The following ULK4 variants were observed in gnomAD, a reference collection of about 807,000 sequenced individuals.
ULK4 encodes the protein unc-51 like kinase 4.
A neutral mutation model predicts 160.6 loss-of-function variants in ULK4; 133 were observed. The ratio of observed to expected loss-of-function variants is 0.83; its 90% CI spans 0.72 to 0.96. ULK4 has a LOEUF of 0.96. ULK4 is among the 40% of genes least tolerant of loss of function. The pLI is 0.00. For synonymous variants in ULK4, 534 were observed against 539.8 expected, an observed-to-expected ratio of 0.99 and a Z score of 0.15; for missense variants, 1,580 against 1,499.5, an observed-to-expected ratio of 1.05 and a Z score of -0.89.
chr3:41,786,213 T>C lies in ULK4; in HGVS notation c.2193+3448A>G, dbSNP rs545568285. 2.6e-5 allele frequency among the ~76,000 whole-genome samples: 4 copies of C among 152,314 alleles called. No homozygotes were observed. In the South Asian group the frequency reaches 8.3e-4, roughly 32 times the overall value. On this transcript the variant is annotated intron_variant, in intron 21 of 36. Transcript: ENST00000301831. ...CCTCCTGTTAGGGCATAAGCACTTA[T>C]ATCTAGCACTTATACACTCCAAGAA...
At chr3:41,770,278 G>T (rs1405149008) in intron 21 of ULK4, among the ~76,000 whole-genome samples, 1 of 152,094 alleles carries the variant, frequency 6.6e-6, no homozygotes, top group Admixed American at 6.6e-5. Context: ...GAGATCTGCA[G>T]CTTCAGGCTT....
At chr3:41,646,834 C>A (rs1371587112) in intron 30 of ULK4, among the ~76,000 whole-genome samples, 2 of 152,214 alleles carry the variant, frequency 1.3e-5, no homozygotes, top group African/African-American at 4.8e-5. Flanking sequence ...GTACACCAAT[C>A]AGATACAGAT....
intron 34 of ULK4, among the ~76,000 whole-genome samples, chr3:41,425,286 T>C (rs2082752937): frequency 1.3e-5 from 2 of 152,094 alleles, no homozygotes; most frequent in Admixed American, 6.5e-5. Context: ...CTCTGAGAAC[T>C]ATGGAATTAC....
intron 34 of ULK4, among the ~76,000 whole-genome samples, chr3:41,449,371 G>A (rs148135795): frequency 4.9e-4 from 75 of 152,278 alleles, no homozygotes; most frequent in South Asian, 2.1e-3. Flanking sequence ...TTTTAACCCT[G>A]TTGAATCTGA....
At chr3:41,490,592 C>T (rs758504500) in intron 32 of ULK4, among the ~76,000 whole-genome samples, 1 of 152,186 alleles carries the variant, frequency 6.6e-6, no homozygotes, top group Non-Finnish European at 1.5e-5. Context: ...TATCCTTTCA[C>T]ATAAAATGTT....
chr3:41,581,138 G>GA (rs200891995), intron 31 of ULK4, among the ~76,000 whole-genome samples: 221 of 150,998 alleles, frequency 1.5e-3, no homozygotes, highest in Non-Finnish European at 2.4e-3. Context: ...CATATAGCAA[G>GA]AAAAAAAAAT....
chr3:41,287,892 G>T (rs17055036), intron 35 of ULK4, among the ~76,000 whole-genome samples: 11,092 of 152,212 alleles, frequency 0.073, 1,040 homozygotes, highest in African/African-American at 0.2. Flanking sequence ...GGTTACACAT[G>T]GGGACATTTG....
chr3:41,829,728 G>A (rs2041503652), intron 18 of ULK4, among the ~76,000 whole-genome samples: 2 of 151,762 alleles, frequency 1.3e-5, no homozygotes, highest in Admixed American at 6.6e-5. Flanking sequence ...CATTGTGGAA[G>A]TCAGTGTGGC....
chr3:41,922,179 GAA>G lies in ULK4; in HGVS notation c.542-2363_542-2362del, dbSNP rs762813111. 6.1e-4 allele frequency among the ~76,000 whole-genome samples: 93 copies of G among 152,144 alleles called. 1 individual carries two copies. Among genetic ancestry groups the G allele is most frequent in the African/African-American group, 1.8e-3 (73 of 41,510 alleles). ...AATAAAATAGTTAAAAATAAAATAA[GAA>G]AGCTGAAAAAATAAAATAAGAAAGG... On this transcript the variant is annotated intron_variant, in intron 5 of 36. Transcript: ENST00000301831.
chr3:41,924,953 T>A (rs969919346), intron 5 of ULK4, among the ~76,000 whole-genome samples: 5 of 152,250 alleles, frequency 3.3e-5, no homozygotes, highest in Admixed American at 3.3e-4. Context: ...CTCAAGTACC[T>A]GAACATGGTA....
intron 18 of ULK4, among the ~76,000 whole-genome samples, chr3:41,822,068 C>A (rs2041163215): frequency 6.6e-6 from 1 of 152,174 alleles, no homozygotes; most frequent in South Asian, 2.1e-4. Context: ...CACATTTAAA[C>A]CAGAATTATC....
chr3:41,933,925 C>A (rs905451015), intron 4 of ULK4, among the ~76,000 whole-genome samples: 8 of 152,016 alleles, frequency 5.3e-5, no homozygotes, highest in Non-Finnish European at 1.0e-4. Context: ...GTAGTCCCAG[C>A]TACTTGGGAG....
chr3:41,391,618 G>A (rs1476019888), intron 35 of ULK4, among the ~76,000 whole-genome samples: 2 of 151,610 alleles, frequency 1.3e-5, no homozygotes, highest in Non-Finnish European at 2.9e-5. Flanking sequence ...CAGAATTCCT[G>A]GTTTCCTCAT....
At chr3:41,529,190 A>C (rs1375218799) in intron 32 of ULK4, among the ~76,000 whole-genome samples, 16 of 152,202 alleles carry the variant, frequency 1.1e-4, no homozygotes, top group Non-Finnish European at 1.5e-5. Context: ...TTGTGTAATT[A>C]AAGTTCAATT....
intron 21 of ULK4, among the ~76,000 whole-genome samples, chr3:41,762,000 C>CT (rs902559006): frequency 4.6e-5 from 7 of 152,128 alleles, no homozygotes; most frequent in Admixed American, 2.6e-4. Flanking sequence ...GGATGGATCA[C>CT]TTGAGCCCAG....
chr3:41,874,994 T>A (rs1464774523), intron 17 of ULK4, among the ~76,000 whole-genome samples: 1 of 152,004 alleles, frequency 6.6e-6, no homozygotes, highest in Non-Finnish European at 1.5e-5. Context: ...GGAAATAATA[T>A]GAGACACCAT....
chr3:41,467,123 A>G (rs1008039175), intron 32 of ULK4, among the ~76,000 whole-genome samples: 1 of 152,220 alleles, frequency 6.6e-6, no homozygotes. Flanking sequence ...TTTTAAATAA[A>G]TCTAAATATA....
chr3:41,346,218 G>T (rs923059451), intron 35 of ULK4, among the ~76,000 whole-genome samples: 1 of 152,108 alleles, frequency 6.6e-6, no homozygotes, highest in South Asian at 2.1e-4. Context: ...TTGACTGAGC[G>T]TTTCACCTAG....
chr3:41,428,862 G>A (rs1336420299), intron 34 of ULK4, among the ~76,000 whole-genome samples: 1 of 152,076 alleles, frequency 6.6e-6, no homozygotes. Context: ...AAGATTTTAT[G>A]ACAAAAACGT....
Sources: gnomAD v4.1 joint callset for allele counts (sites outside exome capture counted in the v4.1 genomes callset) on GRCh38, gnomAD v4.1.1 for gene constraint, MANE v1.5 for transcripts, NCBI Gene and HGNC (gene_info 2026-07-23, HGNC 2026-07-21) for gene names.